The following CRPPA variants were observed in gnomAD, a reference collection of about 807,000 sequenced individuals.
The protein encoded by CRPPA is CDP-L-ribitol pyrophosphorylase A, also known as D-ribitol-5-phosphate cytidylyltransferase.
Under a neutral mutation model 52.0 loss-of-function variants are expected in CRPPA, and 43 were observed. The ratio of observed to expected loss-of-function variants is 0.83; its 90% CI spans 0.65 to 1.07. The LOEUF is 1.07. Among genes scored for constraint, CRPPA ranks in the 50% least tolerant of loss-of-function variants. CRPPA has a pLI of 0.00. For missense variants in CRPPA, 629 were observed against 551.7 expected (o/e 1.14, Z -1.40); for synonymous variants, 250 against 203.5 (o/e 1.23, Z -1.94).
chr7:16,102,814 G>T (rs1000322846), intron 9 of CRPPA, among the ~76,000 whole-genome samples: 1 of 152,328 alleles, frequency 6.6e-6, no homozygotes. Flanking sequence ...AACAGATGCT[G>T]GAGAGGATGT....
chr7:16,216,354 A>C (rs886554353), intron 8 of CRPPA, 157 bp from the exon 9 acceptor site: 2 of 508,538 alleles, frequency 3.9e-6, no homozygotes, highest in African/African-American at 4.0e-5. Context: ...GCCATACTTA[A>C]GATCGATGAA....
chr7:16,250,264 T>C (rs1783409107), intron 8 of CRPPA, among the ~76,000 whole-genome samples: 1 of 152,168 alleles, frequency 6.6e-6, no homozygotes, highest in South Asian at 2.1e-4. Context: ...TACCTGAAAG[T>C]GACGGGGAGA....
At chr7:16,140,099 G>A (rs190716714) in intron 9 of CRPPA, among the ~76,000 whole-genome samples, 145 of 152,220 alleles carry the variant, frequency 9.5e-4, no homozygotes, top group African/African-American at 3.3e-3. Context: ...AAATGAAAAT[G>A]TAAGTACAAT....
chr7:16,324,704 T>C (rs1785340411), intron 3 of CRPPA, among the ~76,000 whole-genome samples: 1 of 152,184 alleles, frequency 6.6e-6, no homozygotes, highest in Admixed American at 6.5e-5. Flanking sequence ...TATCTGCTCA[T>C]GACATAACAA....
intron 8 of CRPPA, among the ~76,000 whole-genome samples, chr7:16,217,278 A>C (rs1356760987): frequency 6.6e-6 from 1 of 151,032 alleles, no homozygotes; most frequent in African/African-American, 2.4e-5. Context: ...ATCCACACCA[A>C]AAACCCATCT....
chr7:16,152,178 C>T (rs1047370950), intron 9 of CRPPA, among the ~76,000 whole-genome samples: 1 of 151,702 alleles, frequency 6.6e-6, no homozygotes, highest in Admixed American at 6.6e-5. Flanking sequence ...AATGTGAGAC[C>T]ATGTAATTCT....
chr7:16,292,249 A>G (rs781542510), intron 5 of CRPPA, among the ~76,000 whole-genome samples: 5 of 151,958 alleles, frequency 3.3e-5, no homozygotes, highest in Non-Finnish European at 7.4e-5. Context: ...ACTAGAGAAG[A>G]CAATATCCTC....
intron 9 of CRPPA, among the ~76,000 whole-genome samples, chr7:16,119,476 A>G (rs1197946811): frequency 6.6e-6 from 1 of 152,232 alleles, no homozygotes; most frequent in African/African-American, 2.4e-5. Flanking sequence ...GGTGAGATAT[A>G]CAAGTCCAAA....
chr7:16,255,882 G>A (rs919097187), intron 8 of CRPPA, among the ~76,000 whole-genome samples: 1 of 151,978 alleles, frequency 6.6e-6, no homozygotes, highest in Non-Finnish European at 1.5e-5. Context: ...CATAAAGATG[G>A]GCAAAGTCTT....
Position 16,334,521 on chromosome 7 carries a change from C to G in CRPPA, c.685-25894G>C, listed in dbSNP as rs532785451. Reference sequence around the variant, plus strand: ...AGCATAGCCTCTGGTCCTGCCCATCCTATGCGGCAATCCCATAAGACCTCA... The same window carrying G: ...AGCATAGCCTCTGGTCCTGCCCATCGTATGCGGCAATCCCATAAGACCTCA... On this transcript the variant is annotated intron_variant, in intron 3 of 9. Coordinates refer to ENST00000407010, the MANE Select transcript of CRPPA (RefSeq NM_001101426.4). Among the ~76,000 whole-genome samples the G allele has an allele frequency of 5.9e-5, 9 of 152,310 alleles. No individual in the cohort carries two copies. The East Asian group carries it at 1.5e-3, about 26-fold the overall frequency.
At chr7:16,411,213 A>C (rs1263088501) in intron 1 of CRPPA, among the ~76,000 whole-genome samples, 2 of 152,226 alleles carry the variant, frequency 1.3e-5, no homozygotes, top group Non-Finnish European at 2.9e-5. Flanking sequence ...TCTCAGCTTT[A>C]CACATGAGGA....
chr7:16,290,673 T>A (rs922418213), intron 5 of CRPPA, among the ~76,000 whole-genome samples: 1 of 152,044 alleles, frequency 6.6e-6, no homozygotes, highest in African/African-American at 2.4e-5. Context: ...AAATGTAAGA[T>A]GCAAAACTAT....
chr7:16,328,285 T>C (rs1372665849), intron 3 of CRPPA, among the ~76,000 whole-genome samples: 1 of 152,176 alleles, frequency 6.6e-6, no homozygotes, highest in Admixed American at 6.5e-5. Flanking sequence ...ATGATTTATA[T>C]ACCTGGACGT....
chr7:16,306,912 A>G (rs1185543063), intron 4 of CRPPA, among the ~76,000 whole-genome samples: 1 of 152,084 alleles, frequency 6.6e-6, no homozygotes, highest in African/African-American at 2.4e-5. Context: ...TTACCGCATA[A>G]ATTTTCTCTA....
intron 9 of CRPPA, among the ~76,000 whole-genome samples, chr7:16,097,039 T>C (rs545659818): frequency 1.3e-5 from 2 of 152,324 alleles, no homozygotes; most frequent in South Asian, 2.1e-4. Context: ...AAACTTGATT[T>C]GTTGTCATAG....
intron 9 of CRPPA, among the ~76,000 whole-genome samples, chr7:16,171,275 T>C (rs1254222963): frequency 2.6e-5 from 4 of 152,236 alleles, no homozygotes; most frequent in Admixed American, 2.0e-4. Flanking sequence ...CATCCCTTTA[T>C]GATTAAAAAG....
chr7:16,150,411 G>C (rs933899229), intron 9 of CRPPA, among the ~76,000 whole-genome samples: 1 of 152,132 alleles, frequency 6.6e-6, no homozygotes, highest in Non-Finnish European at 1.5e-5. Context: ...ATGTTAAAGG[G>C]ATGCTGGGGA....
At chr7:16,326,720 T>A (rs1392451068) in intron 3 of CRPPA, among the ~76,000 whole-genome samples, 2 of 152,188 alleles carry the variant, frequency 1.3e-5, no homozygotes, top group African/African-American at 4.8e-5. Context: ...GTGACTCTCT[T>A]TTTCGCCAAT....
intron 6 of CRPPA, among the ~76,000 whole-genome samples, chr7:16,266,927 TA>T (rs1162615643): frequency 1.3e-5 from 2 of 152,208 alleles, no homozygotes; most frequent in African/African-American, 4.8e-5. Context: ...CGACTGGCAT[TA>T]ACTCATATAT....
Sources: gnomAD v4.1 joint callset for allele counts (sites outside exome capture counted in the v4.1 genomes callset) on GRCh38, gnomAD v4.1.1 for gene constraint, MANE v1.5 for transcripts, NCBI Gene and HGNC (gene_info 2026-07-23, HGNC 2026-07-21) for gene names.